PDE1A: variants seen among roughly 807,000 people sequenced by gnomAD.
PDE1A encodes dual specificity calcium/calmodulin-dependent 3',5'-cyclic nucleotide phosphodiesterase 1A.
Under a neutral mutation model 61.7 loss-of-function variants are expected in PDE1A, and 35 were observed. That is an observed-to-expected ratio of 0.57 (90% CI 0.43 to 0.75). The LOEUF is 0.75. Among genes scored for constraint, PDE1A ranks in the 30% least tolerant of loss-of-function variants. The probability of loss-of-function intolerance (pLI) is 0.00; values close to 1 mark genes in which losing one functional copy is unlikely to be tolerated. For missense variants in PDE1A, 597 were observed against 630.6 expected, an observed-to-expected ratio of 0.95 and a Z score of 0.57; for synonymous variants, 232 against 213.2, an observed-to-expected ratio of 1.09 and a Z score of -0.77.
chr2:182,555,085 A>G, the PDE1A span, among the ~76,000 whole-genome samples: 2 of 152,262 alleles, frequency 1.3e-5, no homozygotes, highest in African/African-American at 2.4e-5. Context: ...GTTACCTGAC[A>G]TCACTCCTGG....
intron 2 of PDE1A, among the ~76,000 whole-genome samples, chr2:182,499,331 T>C (rs998635659): frequency 1.3e-5 from 2 of 151,946 alleles, no homozygotes; most frequent in Admixed American, 6.6e-5. Context: ...CGCCCGCAAC[T>C]GTACTCCGCT....
At chr2:182,430,644 A>G (rs1574640661), upstream of PDE1A, among the ~76,000 whole-genome samples, 2 of 111,608 alleles carry the variant, frequency 1.8e-5, no homozygotes, top group African/African-American at 6.2e-5. Flanking sequence ...GCTGCTATAA[A>G]GACACATGCA....
chr2:182,606,641 G>A, the PDE1A span, among the ~76,000 whole-genome samples: 4 of 152,034 alleles, frequency 2.6e-5, no homozygotes, highest in East Asian at 3.8e-4. Context: ...GGAAATAAAC[G>A]AATAAGCTTA....
chr2:182,217,348 A>C (rs1417431480), intron 7 of PDE1A, among the ~76,000 whole-genome samples: 2 of 70,274 alleles, frequency 2.8e-5, no homozygotes, highest in African/African-American at 1.1e-4. Context: ...CATTCAGGAC[A>C]TAGGCATGGG....
At chr2:182,578,375 AG>A in the PDE1A span, among the ~76,000 whole-genome samples, 1 of 152,216 alleles carries the variant, frequency 6.6e-6, no homozygotes, top group East Asian at 1.9e-4. Flanking sequence ...TTCCAAACAT[AG>A]GAAACAAAAT....
At chr2:182,281,326 A>C (rs1470473696) in intron 1 of PDE1A, among the ~76,000 whole-genome samples, 1 of 151,978 alleles carries the variant, frequency 6.6e-6, no homozygotes, top group East Asian at 1.9e-4. Flanking sequence ...ATGCTAAAGA[A>C]CGTTATAATG....
At chr2:182,173,640 C>G (rs1692448324) in intron 13 of PDE1A, among the ~76,000 whole-genome samples, 1 of 151,542 alleles carries the variant, frequency 6.6e-6, no homozygotes, top group African/African-American at 2.4e-5. Context: ...ACATTTTGAA[C>G]CATAATTAGA....
chr2:182,230,977 A>G (rs199852538), intron 5 of PDE1A, 38 bp downstream of exon 5: 92 of 976,398 alleles, frequency 9.4e-5, no homozygotes, highest in Non-Finnish European at 6.7e-5. Context: ...CAAATAACCA[A>G]TTCTAAGAGC....
the PDE1A span, among the ~76,000 whole-genome samples, chr2:182,695,913 A>G: frequency 7.5e-4 from 115 of 152,342 alleles, 1 homozygote; most frequent in African/African-American, 2.6e-3. Context: ...AAAGCAAGAT[A>G]CTACTACATA....
upstream of PDE1A, among the ~76,000 whole-genome samples, chr2:182,431,029 C>T (rs1452595100): frequency 3.0e-5 from 4 of 134,884 alleles, no homozygotes; most frequent in East Asian, 2.3e-4. Context: ...GTGGGTGCAG[C>T]GCACCAGCAT....
chr2:182,381,624 C>G (rs1296089144), intron 1 of PDE1A, among the ~76,000 whole-genome samples: 1 of 152,000 alleles, frequency 6.6e-6, no homozygotes, highest in Non-Finnish European at 1.5e-5. Flanking sequence ...CCAGCCTGGC[C>G]AACAGGGTGA....
chr2:182,508,811 AT>A (rs58539442), intron 2 of PDE1A, among the ~76,000 whole-genome samples: 21,745 of 108,448 alleles, frequency 0.2, 2,706 homozygotes, highest in African/African-American at 0.42. Context: ...TTTATTTTTT[AT>A]TTTTTTTTTA....
intron 1 of PDE1A, among the ~76,000 whole-genome samples, chr2:182,271,017 A>C (rs1367563153): frequency 6.6e-6 from 1 of 151,912 alleles, no homozygotes; most frequent in East Asian, 1.9e-4. Context: ...GCTCCATGAT[A>C]CCTTTATTTT....
chr2:182,317,200 T>G (rs1450197154), intron 1 of PDE1A, among the ~76,000 whole-genome samples: 3 of 152,138 alleles, frequency 2.0e-5, no homozygotes, highest in Non-Finnish European at 4.4e-5. Flanking sequence ...GTTTCAAATA[T>G]TTTTGCTTAA....
chr2:182,557,349 A>G, the PDE1A span, among the ~76,000 whole-genome samples: 2 of 152,224 alleles, frequency 1.3e-5, no homozygotes, highest in South Asian at 4.1e-4. Context: ...TATTGTCTGA[A>G]CATAATTTCT....
At chr2:182,168,384 T>A in intron 13 of PDE1A, 5 of 1,157,866 alleles carry the variant, frequency 4.3e-6, no homozygotes, top group Non-Finnish European at 6.0e-6. Flanking sequence ...TAATCAGCCA[T>A]GATTGTAAAA....
At position 182,426,650 on chromosome 2, in the gene PDE1A, T is replaced by G. The variant is rs375016815; in HGVS notation, c.-20A>C. ...ATCCATTTAAAGGTGAAGGTTTAAC[T>G]TCTTCCTGGAAACCACTCCAGAAAC... is the stretch of plus-strand genomic sequence containing the variant. On this transcript the variant is annotated 5_prime_UTR_variant, in exon 1 of 14. Coordinates refer to ENST00000351439, the Ensembl canonical transcript of PDE1A. 4.0e-5 allele frequency: 65 copies of G among 1,612,440 alleles called. No homozygotes were observed. The African/African-American group carries it at 8.0e-4, about 20-fold the overall frequency.
At chr2:182,419,008 T>C (rs1257574554) in intron 1 of PDE1A, among the ~76,000 whole-genome samples, 1 of 152,136 alleles carries the variant, frequency 6.6e-6, no homozygotes, top group Non-Finnish European at 1.5e-5. Flanking sequence ...TCTTCAATGT[T>C]TAAAGAGCTA....
the PDE1A span, among the ~76,000 whole-genome samples, chr2:182,612,868 G>A: frequency 6.6e-6 from 1 of 152,186 alleles, no homozygotes; most frequent in Non-Finnish European, 1.5e-5. Flanking sequence ...CTATTTGGGG[G>A]AGATGGGAAT....
Sources: gnomAD v4.1 joint callset for allele counts (sites outside exome capture counted in the v4.1 genomes callset) on GRCh38, gnomAD v4.1.1 for gene constraint, MANE v1.5 for transcripts, NCBI Gene and HGNC (gene_info 2026-07-23, HGNC 2026-07-21) for gene names.